Variants in SPAST observed in about 807,000 individuals in gnomAD.
SPAST encodes spastic paraplegia 4 (autosomal dominant; spastin).
Under a neutral mutation model 76.6 loss-of-function variants are expected in SPAST, and 30 were observed. The ratio of observed to expected loss-of-function variants is 0.39; its 90% CI spans 0.29 to 0.53. SPAST has a LOEUF of 0.53. Ranked by LOEUF, SPAST falls within the 20% of genes least tolerant of loss-of-function variation. The pLI is 0.68. For synonymous variants in SPAST, 305 were observed against 281.0 expected (o/e 1.09, Z -0.86); for missense variants, 717 against 770.5 (o/e 0.93, Z 0.82).
intron 7 of SPAST, among the ~76,000 whole-genome samples, chr2:32,122,775 AT>A (rs1679061792): frequency 7.3e-6 from 1 of 136,244 alleles, no homozygotes; most frequent in South Asian, 2.4e-4. Context: ...CCCCATCTAT[AT>A]TTAAAAAAAA....
Position 32,128,491 on chromosome 2 carries a change from G to C in SPAST, c.1245+12G>C. 1 of 1,549,040 alleles carries C rather than the reference G, an allele frequency of 6.5e-7. No homozygotes were observed. Among genetic ancestry groups the C allele is most frequent in the Non-Finnish European group, 8.9e-7 (1 of 1,120,902 alleles). On this transcript the variant is annotated intron_variant, in intron 9 of 16. Transcript: ENST00000315285. ...TAACTTCAAAATACGTGAGTGCTCTGTTTCCAATATTGTCGTATTTTAAGT... is the reference window on the plus strand; with the variant it reads ...TAACTTCAAAATACGTGAGTGCTCTCTTTCCAATATTGTCGTATTTTAAGT...
chr2:32,153,392 G>A (rs1412965057), intron 16 of SPAST, among the ~76,000 whole-genome samples: 2 of 144,724 alleles, frequency 1.4e-5, no homozygotes, highest in African/African-American at 2.6e-5. Flanking sequence ...GCACGATCTC[G>A]GCTCACTTAC....
At chr2:32,135,764 C>G (rs1679516222) in intron 9 of SPAST, among the ~76,000 whole-genome samples, 1 of 151,968 alleles carries the variant, frequency 6.6e-6, no homozygotes, top group Non-Finnish European at 1.5e-5. Flanking sequence ...ATCAGCCTGG[C>G]CAACTAAGTT....
At chr2:32,150,413 TATTTA>T (rs538053886) in intron 16 of SPAST, among the ~76,000 whole-genome samples, 92 of 151,336 alleles carry the variant, frequency 6.1e-4, no homozygotes, top group African/African-American at 2.0e-3. Flanking sequence ...TTTTCTAACT[TATTTA>T]ATTTAATTTA....
rs754503770 is a variant in SPAST, at chr2:32,115,852, A to G, written c.1004+17A>G. On this transcript the variant is annotated intron_variant, in intron 6 of 16. Coordinates refer to ENST00000315285, the MANE Select transcript of SPAST (RefSeq NM_014946.4). ...TGTGGACAAGTAAGTTTTGCCATCTAAATGTTTTATTTTATAGTTTTTATA... is the reference window on the plus strand; with the variant it reads ...TGTGGACAAGTAAGTTTTGCCATCTGAATGTTTTATTTTATAGTTTTTATA... 72 of 1,591,266 alleles carry G rather than the reference A, an allele frequency of 4.5e-5. No individual in the cohort carries two copies. The highest frequency in any genetic ancestry group is 6.0e-5 in the Non-Finnish European group (70 of 1,163,000).
At chr2:32,075,896 C>CT (rs1209272322) in intron 1 of SPAST, among the ~76,000 whole-genome samples, 1,651 of 81,636 alleles carry the variant, frequency 0.02, 108 homozygotes, top group African/African-American at 0.043. Context: ...TCAAAATGCT[C>CT]TTTTTTTTTT....
At chr2:32,066,639 G>A (rs1173083080) in intron 1 of SPAST, among the ~76,000 whole-genome samples, 1 of 151,750 alleles carries the variant, frequency 6.6e-6, no homozygotes, top group Admixed American at 6.6e-5. Context: ...CTACACTCCA[G>A]CCTGGGCGGC....
At chr2:32,131,671 CTTTTTTTTTT>C (rs541036416) in intron 9 of SPAST, among the ~76,000 whole-genome samples, 17 of 108,018 alleles carry the variant, frequency 1.6e-4, no homozygotes, top group South Asian at 3.2e-4. Flanking sequence ...CAACCATTCT[CTTTTTTTTTT>C]TTTTTTTTTT....
chr2:32,148,003 G>A (rs945176237), intron 16 of SPAST, among the ~76,000 whole-genome samples: 8 of 148,192 alleles, frequency 5.4e-5, no homozygotes, highest in African/African-American at 2.0e-4. Context: ...TGCAATCGTG[G>A]CTGACTGTAG....
intron 1 of SPAST, among the ~76,000 whole-genome samples, chr2:32,083,748 TACTATATATATA>T (rs1677343376): frequency 1.7e-5 from 1 of 57,828 alleles, no homozygotes; most frequent in Non-Finnish European, 3.2e-5. Context: ...TATTTATATA[TACTATATATATA>T]TATATATATA....
At position 32,064,038 on chromosome 2, in the gene SPAST, C is replaced by T. The variant is rs1185144948; in HGVS notation, c.207C>T (p.Phe69=). The change falls in exon 1 of 17, where the codon TTC becomes TTT. Residue 69 remains phenylalanine (F), a synonymous_variant. Coordinates refer to ENST00000315285, the MANE Select transcript of SPAST (RefSeq NM_014946.4). ...TCGCGCTGCTGCGTTTGGTCGCCTT[C>T]CACCTGGGGCTCCTCTTCGTGTGGC... is the stretch of plus-strand genomic sequence containing the variant. ...VGFALLRLVA[F]HLGLLFVWLC... The T allele has an allele frequency of 2.5e-6, 4 of 1,613,270 alleles. No homozygotes were observed. The highest frequency in any genetic ancestry group is 2.5e-6 in the Non-Finnish European group (3 of 1,179,564).
At chr2:32,106,887 C>T (rs1678343385) in intron 4 of SPAST, among the ~76,000 whole-genome samples, 3 of 146,386 alleles carry the variant, frequency 2.0e-5, no homozygotes, top group African/African-American at 7.5e-5. Context: ...AAGGCACTTA[C>T]TGAAAAAAAA....
At chr2:32,083,652 C>G (rs1677325419) in intron 1 of SPAST, among the ~76,000 whole-genome samples, 2 of 24,874 alleles carry the variant, frequency 8.0e-5, no homozygotes, top group Admixed American at 1.2e-3. Flanking sequence ...TTGACTCTGC[C>G]TACTATATAT....
chr2:32,131,079 T>TG (rs1341763238), intron 9 of SPAST, among the ~76,000 whole-genome samples: 2 of 152,228 alleles, frequency 1.3e-5, no homozygotes, highest in Admixed American at 1.3e-4. Context: ...GAGATAGCCT[T>TG]GGTGTTGGAC....
At chr2:32,070,190 C>A (rs376301635) in intron 1 of SPAST, among the ~76,000 whole-genome samples, 2 of 151,798 alleles carry the variant, frequency 1.3e-5, no homozygotes, top group African/African-American at 2.4e-5. Flanking sequence ...CTCAGTCTCC[C>A]GAGTAGCTGG....
At chr2:32,088,108 G>A (rs1166483159) in intron 2 of SPAST, among the ~76,000 whole-genome samples, 1 of 151,804 alleles carries the variant, frequency 6.6e-6, no homozygotes, top group African/African-American at 2.4e-5. Flanking sequence ...GGCTGGTTTC[G>A]AACTCCTGAT....
chr2:32,151,803 G>A (rs531442821), intron 16 of SPAST, among the ~76,000 whole-genome samples: 28 of 152,046 alleles, frequency 1.8e-4, no homozygotes, highest in East Asian at 7.7e-4. Context: ...CCAGCTGCTC[G>A]GGAGGCTGAG....
At chr2:32,126,469 C>CTTTTTTTTTTTTT (rs70938323) in intron 7 of SPAST, 2 of 38,694 alleles carry the variant, frequency 5.2e-5, no homozygotes, top group Non-Finnish European at 9.5e-5. Context: ...GGTTTTATTT[C>CTTTTTTTTTTTTT]TTTTTTTTTT....
intron 4 of SPAST, among the ~76,000 whole-genome samples, chr2:32,110,568 A>C: frequency 7.9e-6 from 1 of 126,024 alleles, no homozygotes; most frequent in East Asian, 2.1e-4. Context: ...GTGTGTATAT[A>C]TAGTATATAT....
Sources: allele counts gnomAD v4.1 joint callset (sites outside exome capture counted in the v4.1 genomes callset), GRCh38; gene constraint gnomAD v4.1.1; transcripts MANE v1.5; gene names NCBI Gene and HGNC (gene_info 2026-07-23, HGNC 2026-07-21).